KHDRBS3: variants seen among roughly 807,000 people sequenced by gnomAD.
KHDRBS3 encodes the protein KH RNA binding domain containing, signal transduction associated 3, also known as KH domain-containing, RNA-binding, signal transduction-associated protein 3.
KHDRBS3 carries 23 observed loss-of-function variants against 45.6 expected under a neutral mutation model. The ratio of observed to expected loss-of-function variants is 0.50; its 90% CI spans 0.36 to 0.72. KHDRBS3 has a LOEUF of 0.72. Ranked by LOEUF, KHDRBS3 falls within the 30% of genes least tolerant of loss-of-function variation. KHDRBS3 has a pLI of 0.00. For synonymous variants in KHDRBS3, 162 were observed against 156.5 expected (o/e 1.04, Z -0.26); for missense variants, 352 against 424.8 (o/e 0.83, Z 1.51).
chr8:135,468,771 A>T (rs1401634739), intron 1 of KHDRBS3, among the ~76,000 whole-genome samples: 1 of 152,224 alleles, frequency 6.6e-6, no homozygotes, highest in East Asian at 1.9e-4. Flanking sequence ...AGTTATTTGC[A>T]TGAATGAATT....
chr8:135,636,125 G>T (rs768680952), intron 7 of KHDRBS3, among the ~76,000 whole-genome samples: 5 of 152,142 alleles, frequency 3.3e-5, no homozygotes, highest in Non-Finnish European at 5.9e-5. Flanking sequence ...TCATTGCTGT[G>T]AGTTATTTCA....
chr8:135,458,040 C>T lies in KHDRBS3; in HGVS notation c.88+86C>T, dbSNP rs569324628. The T allele has an allele frequency of 2.9e-3, 4,167 of 1,451,600 alleles. 10 individuals are homozygous for T. The highest frequency in any genetic ancestry group is 6.6e-3 in the Admixed American group (225 of 33,848). The allele number at this position is 1,451,600 out of a possible 1,614,324, so 89.9% of individuals were successfully genotyped here. A position where few individuals can be genotyped will look rare whatever the true frequency, so the allele number is the denominator to read the frequency against. ...GGCCCAGGGGGCCCCTCCGTGCCCT[C>T]TGCTGTCAGCGGACGCGGCGGAGAC... On this transcript the variant is annotated intron_variant, in intron 1 of 8. Coordinates refer to ENST00000355849, the MANE Select transcript of KHDRBS3 (RefSeq NM_006558.3).
At chr8:135,563,084 G>T (rs1827243392) in intron 5 of KHDRBS3, among the ~76,000 whole-genome samples, 2 of 152,094 alleles carry the variant, frequency 1.3e-5, no homozygotes, top group Non-Finnish European at 2.9e-5. Context: ...CAGTCACAAT[G>T]ATTTTTTCAA....
At chr8:135,516,735 G>A (rs568801744) in intron 1 of KHDRBS3, among the ~76,000 whole-genome samples, 2 of 152,238 alleles carry the variant, frequency 1.3e-5, no homozygotes, top group South Asian at 4.1e-4. Context: ...AGACATTTAG[G>A]TGGTTCCCAG....
intron 2 of KHDRBS3, among the ~76,000 whole-genome samples, chr8:135,534,216 T>TG (rs1825622020): frequency 1.0e-5 from 1 of 95,432 alleles, no homozygotes; most frequent in Non-Finnish European, 2.4e-5. Context: ...TCTTCTCAGG[T>TG]GTTTTTTTTT....
chr8:135,564,465 T>C (rs906559741), intron 5 of KHDRBS3, among the ~76,000 whole-genome samples: 1 of 152,234 alleles, frequency 6.6e-6, no homozygotes, highest in African/African-American at 2.4e-5. Flanking sequence ...GAAATAAATA[T>C]GTAAGTTGTT....
chr8:135,650,207 C>T (rs770241020), downstream of KHDRBS3, among the ~76,000 whole-genome samples: 5 of 152,212 alleles, frequency 3.3e-5, no homozygotes, highest in East Asian at 1.9e-4. Flanking sequence ...ATTCAAATAC[C>T]GCAAAACCGA....
chr8:135,564,968 G>T (rs1355964150), intron 5 of KHDRBS3, among the ~76,000 whole-genome samples: 24 of 152,262 alleles, frequency 1.6e-4, no homozygotes. Context: ...CGTTCTAAAT[G>T]TTAAAATTTA....
chr8:135,584,146 A>G (rs1273808007), intron 6 of KHDRBS3, among the ~76,000 whole-genome samples: 1 of 152,018 alleles, frequency 6.6e-6, no homozygotes, highest in Non-Finnish European at 1.5e-5. Context: ...TCCCACACTC[A>G]CTCATGCCTG....
intron 1 of KHDRBS3, among the ~76,000 whole-genome samples, chr8:135,459,161 G>C (rs1821292744): frequency 6.6e-6 from 1 of 152,168 alleles, no homozygotes; most frequent in Non-Finnish European, 1.5e-5. Flanking sequence ...AGATGAGGCA[G>C]ACATATTCTA....
At chr8:135,642,121 T>A (rs1831084852) in intron 7 of KHDRBS3, among the ~76,000 whole-genome samples, 1 of 152,154 alleles carries the variant, frequency 6.6e-6, no homozygotes, top group Non-Finnish European at 1.5e-5. Flanking sequence ...TGAGGAAGGA[T>A]CATTAAAGCC....
intron 7 of KHDRBS3, among the ~76,000 whole-genome samples, chr8:135,626,250 CAG>C (rs998925489): frequency 5.3e-5 from 8 of 152,132 alleles, no homozygotes; most frequent in African/African-American, 1.9e-4. Flanking sequence ...TTTAAGCTGA[CAG>C]AGAATAAATC....
At chr8:135,478,805 C>T (rs1011055826) in intron 1 of KHDRBS3, among the ~76,000 whole-genome samples, 1 of 152,068 alleles carries the variant, frequency 6.6e-6, no homozygotes, top group African/African-American at 2.4e-5. Context: ...CATGTCAAAA[C>T]TTAAGAGATA....
chr8:135,569,285 T>G (rs550541480), intron 5 of KHDRBS3, among the ~76,000 whole-genome samples: 63 of 152,166 alleles, frequency 4.1e-4, no homozygotes, highest in African/African-American at 1.4e-3. Flanking sequence ...GAAATGAAGA[T>G]TTAGAATCAT....
intron 7 of KHDRBS3, among the ~76,000 whole-genome samples, chr8:135,631,517 G>T (rs1830603674): frequency 6.6e-6 from 1 of 151,868 alleles, no homozygotes; most frequent in Non-Finnish European, 1.5e-5. Context: ...ACTACATAGT[G>T]TCAGGATCAT....
At chr8:135,520,508 A>C (rs1824853559) in intron 1 of KHDRBS3, among the ~76,000 whole-genome samples, 1 of 152,056 alleles carries the variant, frequency 6.6e-6, no homozygotes, top group Non-Finnish European at 1.5e-5. Flanking sequence ...GAGAGGTAGC[A>C]CATTTTTTTT....
intron 5 of KHDRBS3, among the ~76,000 whole-genome samples, chr8:135,578,694 T>C (rs1293669455): frequency 6.6e-6 from 1 of 152,196 alleles, no homozygotes; most frequent in African/African-American, 2.4e-5. Context: ...GTGTTGTCTG[T>C]TCTGGGTCTT....
Position 135,645,137 on chromosome 8 carries a change from A to C in KHDRBS3, c.949+20A>C, listed in dbSNP as rs767228058. ...CCTACGGTGAGTGACTGGCCAGAGC[A>C]TGTGAAGAGAGGGAGGAGAGATGGC... is the stretch of plus-strand genomic sequence containing the variant. On this transcript the variant is annotated intron_variant, in intron 8 of 8. Coordinates refer to ENST00000355849, the MANE Select transcript of KHDRBS3 (RefSeq NM_006558.3). 26 of 1,612,674 alleles carry C rather than the reference A, an allele frequency of 1.6e-5. No individual in the cohort carries two copies. The South Asian group carries it at 2.6e-4, about 16-fold the overall frequency.
chr8:135,534,897 G>T (rs972679374), intron 2 of KHDRBS3, among the ~76,000 whole-genome samples: 14 of 152,112 alleles, frequency 9.2e-5, no homozygotes, highest in African/African-American at 3.4e-4. Flanking sequence ...GGCTGCCATG[G>T]TAAGTGGAAG....
Sources: gnomAD v4.1 joint callset for allele counts (sites outside exome capture counted in the v4.1 genomes callset) on GRCh38, gnomAD v4.1.1 for gene constraint, MANE v1.5 for transcripts, NCBI Gene and HGNC (gene_info 2026-07-23, HGNC 2026-07-21) for gene names.